The following CAMTA1 variants were observed in gnomAD, a reference collection of about 807,000 sequenced individuals.
CAMTA1 encodes calmodulin-binding transcription activator 1.
CAMTA1 carries 27 observed loss-of-function variants against 170.9 expected under a neutral mutation model. That is an observed-to-expected ratio of 0.16 (90% CI 0.12 to 0.22). The LOEUF is 0.22. Ranked by LOEUF, CAMTA1 falls within the 10% of genes least tolerant of loss-of-function variation. The pLI is 1.00. For missense variants in CAMTA1, 1,619 were observed against 2,217.2 expected (o/e 0.73, Z 5.42); for synonymous variants, 833 against 891.5 (o/e 0.93, Z 1.17).
intron 4 of CAMTA1, among the ~76,000 whole-genome samples, chr1:7,162,857 C>T (rs78335073): frequency 0.013 from 1,951 of 152,226 alleles, 26 homozygotes; most frequent in Non-Finnish European, 0.02. Context: ...GTGGTGACTC[C>T]GTGGCTGATC....
chr1:7,568,819 G>A (rs111067967), intron 6 of CAMTA1, among the ~76,000 whole-genome samples: 21,625 of 124,138 alleles, frequency 0.17, 5,204 homozygotes, highest in African/African-American at 0.54. Flanking sequence ...CACCATCATC[G>A]TCATCACCAA....
chr1:7,332,881 G>A (rs751711103), intron 5 of CAMTA1, among the ~76,000 whole-genome samples: 1 of 152,170 alleles, frequency 6.6e-6, no homozygotes, highest in African/African-American at 2.4e-5. Flanking sequence ...ATGGTTGCAC[G>A]AAGCGTGAGC....
chr1:6,917,566 G>T (rs554364299), intron 3 of CAMTA1, among the ~76,000 whole-genome samples: 1 of 152,090 alleles, frequency 6.6e-6, no homozygotes, highest in East Asian at 1.9e-4. Context: ...TGAGGGTGGG[G>T]GGAAGGGAGG....
chr1:7,662,937 C>T (rs568633227), intron 8 of CAMTA1, among the ~76,000 whole-genome samples: 4 of 152,220 alleles, frequency 2.6e-5, no homozygotes, highest in East Asian at 1.9e-4. Flanking sequence ...GGGCAGGATA[C>T]GAACGTAGCC....
chr1:7,747,641 G>A, intron 18 of CAMTA1, 69 bp from the exon 19 acceptor site: 1 of 1,049,630 alleles, frequency 9.5e-7, no homozygotes, highest in Non-Finnish European at 1.4e-6. Flanking sequence ...TAAATGAGTA[G>A]TAATAAAAAG....
intron 7 of CAMTA1, among the ~76,000 whole-genome samples, chr1:7,657,739 C>T (rs1464221735): frequency 6.6e-6 from 1 of 152,202 alleles, no homozygotes; most frequent in African/African-American, 2.4e-5. Flanking sequence ...AACTCACCAC[C>T]TCAGAGGAGG....
intron 5 of CAMTA1, among the ~76,000 whole-genome samples, chr1:7,449,724 A>T (rs562226608): frequency 6.9e-6 from 1 of 143,958 alleles, no homozygotes; most frequent in East Asian, 2.2e-4. Flanking sequence ...GAGCCGAAAT[A>T]GTGCCACTAC....
At chr1:7,323,122 T>A (rs916537709) in intron 5 of CAMTA1, among the ~76,000 whole-genome samples, 4 of 151,848 alleles carry the variant, frequency 2.6e-5, no homozygotes, top group African/African-American at 4.8e-5. Flanking sequence ...TACTCCTTTT[T>A]TTAAAAAATT....
In CAMTA1 at chr1:7,455,757, C is replaced by T. The variant is rs932187129; in HGVS notation, c.439-12073C>T. ...CCAGGAATCCCGGCAGTGCCAGCCC[C>T]GCAGACGCCTGCCCACAGGAGAAGA... On this transcript the variant is annotated intron_variant, in intron 5 of 22. Transcript: ENST00000303635. This position sits in a 1 kb window ranked among gnomAD's most constrained non-coding sequence, Gnocchi z 5.0. Among the ~76,000 whole-genome samples, 16 of 152,206 alleles carry T rather than the reference C, an allele frequency of 1.1e-4. No homozygotes were observed. Among genetic ancestry groups the T allele is most frequent in the Non-Finnish European group, 1.6e-4 (11 of 68,040 alleles).
At chr1:7,069,327 C>G (rs941464703) in intron 3 of CAMTA1, among the ~76,000 whole-genome samples, 1 of 152,182 alleles carries the variant, frequency 6.6e-6, no homozygotes, top group Admixed American at 6.5e-5. Context: ...AACTGACTTG[C>G]CCAGGGTCAC....
intron 6 of CAMTA1, among the ~76,000 whole-genome samples, chr1:7,535,385 G>A (rs1015649325): frequency 1.3e-5 from 2 of 152,196 alleles, no homozygotes; most frequent in Non-Finnish European, 2.9e-5. Flanking sequence ...GCCTGCTGGT[G>A]TGCAGGGGCA....
chr1:7,518,546 A>G (rs2094318311), intron 6 of CAMTA1, among the ~76,000 whole-genome samples: 1 of 151,964 alleles, frequency 6.6e-6, no homozygotes, highest in Non-Finnish European at 1.5e-5. Context: ...CAGCCGATGA[A>G]CAGAGCGTGT....
rs77510453 is a variant in CAMTA1 at position 6,816,502 on chromosome 1, C to T, written c.46-3679C>T. On this transcript the variant is annotated intron_variant, in intron 1 of 22. Transcript: ENST00000303635. ...TTCTGTGAGAGGAAAACACAGGCTA[C>T]TCTAAAGGTACCCTGTGGGCGAGAG... is the stretch of plus-strand genomic sequence containing the variant. Among the ~76,000 whole-genome samples the T allele has an allele frequency of 9.4e-4, 143 of 152,326 alleles. No individual in the cohort carries two copies. The East Asian group carries it at 9.8e-3, about 10-fold the overall frequency.
intron 3 of CAMTA1, among the ~76,000 whole-genome samples, chr1:6,853,972 TA>T (rs768394088): frequency 3.5e-4 from 53 of 152,330 alleles, no homozygotes; most frequent in South Asian, 1.0e-3. Context: ...TGGAAAGTTT[TA>T]ATATACCGTC....
intron 21 of CAMTA1, 111 bp from the exon 22 acceptor site, chr1:7,755,527 C>CA: frequency 2.3e-6 from 2 of 882,402 alleles, no homozygotes; most frequent in South Asian, 1.5e-5. Context: ...TCTTTCTTTC[C>CA]AAAAAAGAAA....
intron 3 of CAMTA1, among the ~76,000 whole-genome samples, chr1:7,040,089 C>T (rs572376514): frequency 7.3e-5 from 11 of 151,072 alleles, no homozygotes; most frequent in Admixed American, 6.6e-4. Context: ...AAAGTGGCGA[C>T]TTTTCTTTTT....
intron 11 of CAMTA1, among the ~76,000 whole-genome samples, chr1:7,704,558 C>G (rs1332833520): frequency 6.7e-6 from 1 of 148,704 alleles, no homozygotes; most frequent in South Asian, 2.1e-4. Flanking sequence ...AGTTCCGGCG[C>G]AGTCCCCGCG....
chr1:7,629,069 G>A (rs2095651692), intron 6 of CAMTA1, among the ~76,000 whole-genome samples: 1 of 152,338 alleles, frequency 6.6e-6, no homozygotes, highest in African/African-American at 2.4e-5. Context: ...AGGGGTGGTC[G>A]GAGCAACTCT....
At chr1:7,086,041 A>G (rs978654507) in intron 3 of CAMTA1, among the ~76,000 whole-genome samples, 4 of 152,116 alleles carry the variant, frequency 2.6e-5, no homozygotes, top group Non-Finnish European at 5.9e-5. Flanking sequence ...CTGAACAGAT[A>G]CAGAGGGGCC....
Sources: allele counts gnomAD v4.1 joint callset (sites outside exome capture counted in the v4.1 genomes callset), GRCh38; gene constraint gnomAD v4.1.1; non-coding constraint Gnocchi (gnomAD v3.1); transcripts MANE v1.5; gene names NCBI Gene and HGNC (gene_info 2026-07-23, HGNC 2026-07-21).